Variants in ANK1 observed in about 807,000 individuals in gnomAD.
ANK1 encodes the protein ankyrin 1, also known as ankyrin-1.
ANK1 carries 51 observed loss-of-function variants against 210.4 expected under a neutral mutation model. The ratio of observed to expected loss-of-function variants is 0.24; its 90% CI spans 0.19 to 0.31. The LOEUF (loss-of-function observed/expected upper bound fraction) is 0.31. Among genes scored for constraint, ANK1 ranks in the 10% least tolerant of loss-of-function variants. The probability of loss-of-function intolerance (pLI) is 1.00; values close to 1 mark genes in which losing one functional copy is unlikely to be tolerated. For missense variants in ANK1, 2,051 were observed against 2,504.4 expected, an observed-to-expected ratio of 0.82 and a Z score of 3.86; for synonymous variants, 967 against 1,025.9, an observed-to-expected ratio of 0.94 and a Z score of 1.10.
chr8:41,829,766 C>G (rs1425493814), intron 1 of ANK1: 2 of 152,152 alleles, frequency 1.3e-5, no homozygotes, highest in East Asian at 3.9e-4. Flanking sequence ...GAAACCCCGT[C>G]TCTACTAAAA....
chr8:41,814,735 T>A (rs970841286), intron 1 of ANK1, among the ~76,000 whole-genome samples: 1 of 151,572 alleles, frequency 6.6e-6, no homozygotes, highest in East Asian at 1.9e-4. Context: ...TATTTTTTTT[T>A]ATTATTCATT....
At chr8:41,714,304 CT>C in intron 15 of ANK1, 50 bp from the exon 16 acceptor site, 1 of 1,424,372 alleles carries the variant, frequency 7.0e-7, no homozygotes, top group Non-Finnish European at 9.6e-7. Context: ...CACGGACTTT[CT>C]CCCAGGACTC....
chr8:41,659,810 TC>T (rs1390606159), intron 42 of ANK1, among the ~76,000 whole-genome samples: 1 of 150,998 alleles, frequency 6.6e-6, no homozygotes, highest in Admixed American at 6.6e-5. Flanking sequence ...GCTAGTGTGG[TC>T]CGGTCCTTAA....
chr8:41,845,547 G>A (rs757920563), intron 1 of ANK1, among the ~76,000 whole-genome samples: 27 of 151,990 alleles, frequency 1.8e-4, no homozygotes, highest in Non-Finnish European at 2.8e-4. Context: ...GGTGTGGTGC[G>A]TGCCTTTGGG....
At chr8:41,744,813 G>T (rs569211367) in intron 2 of ANK1, among the ~76,000 whole-genome samples, 1 of 152,298 alleles carries the variant, frequency 6.6e-6, no homozygotes, top group East Asian at 1.9e-4. Flanking sequence ...GGGATTACAG[G>T]CGTGAGCCTC....
At chr8:41,854,404 G>A (rs537237250) in intron 1 of ANK1, among the ~76,000 whole-genome samples, 13 of 152,210 alleles carry the variant, frequency 8.5e-5, no homozygotes, top group Non-Finnish European at 1.2e-4. Flanking sequence ...TAATTCCAGC[G>A]GAACCCTCTA....
At chr8:41,688,400 G>A in intron 34 of ANK1, 111 bp downstream of exon 34, 3 of 1,453,624 alleles carry the variant, frequency 2.1e-6, no homozygotes, top group Non-Finnish European at 2.9e-6. Context: ...TTTTGGAACT[G>A]GCTGAGCGAG....
intron 24 of ANK1, among the ~76,000 whole-genome samples, 164 bp from the exon 25 acceptor site, chr8:41,696,937 AG>A (rs1821203047): frequency 1.3e-5 from 2 of 152,086 alleles, no homozygotes; most frequent in African/African-American, 2.4e-5. Flanking sequence ...GGCCGTCCTG[AG>A]GTCTAAAAGG....
intron 42 of ANK1, among the ~76,000 whole-genome samples, chr8:41,658,593 A>G (rs1007878740): frequency 2.0e-5 from 3 of 152,140 alleles, no homozygotes; most frequent in African/African-American, 7.2e-5. Flanking sequence ...TCTGTTCTAT[A>G]AATTAGTCGC....
intron 1 of ANK1, among the ~76,000 whole-genome samples, chr8:41,781,512 C>A (rs544177438): frequency 1.3e-5 from 2 of 152,048 alleles, no homozygotes; most frequent in South Asian, 4.2e-4. Context: ...TTTTCACCAC[C>A]CTGCCCTCCC....
At chr8:41,878,520 G>T (rs1052447646) in intron 1 of ANK1, among the ~76,000 whole-genome samples, 1 of 152,190 alleles carries the variant, frequency 6.6e-6, no homozygotes, top group Non-Finnish European at 1.5e-5. Flanking sequence ...AGATCAAATC[G>T]CACTCAAGGT....
intron 33 of ANK1, among the ~76,000 whole-genome samples, chr8:41,689,177 C>T (rs1027308835): frequency 1.1e-4 from 16 of 151,396 alleles, no homozygotes; most frequent in Non-Finnish European, 2.1e-4. Flanking sequence ...GAGTGCAGTG[C>T]GATGGCACGA....
intron 1 of ANK1, among the ~76,000 whole-genome samples, chr8:41,790,537 A>G (rs1847452706): frequency 6.6e-6 from 1 of 151,824 alleles, no homozygotes; most frequent in Non-Finnish European, 1.5e-5. Context: ...TAACCACTGC[A>G]CCAACACCTC....
chr8:41,877,391 T>G (rs563981164), intron 1 of ANK1, among the ~76,000 whole-genome samples: 4 of 152,256 alleles, frequency 2.6e-5, no homozygotes, highest in Non-Finnish European at 5.9e-5. Flanking sequence ...CCTTTCCAGC[T>G]GAGACCCTGG....
intron 3 of ANK1, among the ~76,000 whole-genome samples, chr8:41,732,203 T>C (rs1182222366): frequency 1.3e-5 from 2 of 152,170 alleles, no homozygotes; most frequent in South Asian, 2.1e-4. Context: ...GTTCTCTGCT[T>C]GAGAGGCGGC....
chr8:41,708,221 T>A (rs1825199851), intron 17 of ANK1, among the ~76,000 whole-genome samples: 1 of 152,250 alleles, frequency 6.6e-6, no homozygotes, highest in Non-Finnish European at 1.5e-5. Flanking sequence ...AGTCTTTTTT[T>A]TTGGGTCACA....
chr8:41,876,217 C>T (rs1186325436), intron 1 of ANK1, among the ~76,000 whole-genome samples: 1 of 152,178 alleles, frequency 6.6e-6, no homozygotes, highest in Non-Finnish European at 1.5e-5. Flanking sequence ...CTCACCAGCA[C>T]GTGGGGCGCT....
chr8:41,694,911 C>T lies in ANK1; in HGVS notation c.3116-108G>A. The T allele has an allele frequency of 8.0e-7, 1 of 1,246,110 alleles. No homozygotes were observed. The highest frequency in any genetic ancestry group is 1.2e-6 in the Non-Finnish European group (1 of 868,890). The allele number at this position is 1,246,110 out of a possible 1,614,324, so 77.2% of individuals were successfully genotyped here. On this transcript the variant is annotated intron_variant, in intron 27 of 42. Transcript: ENST00000289734. This position sits in a 1 kb window ranked among gnomAD's most constrained non-coding sequence, Gnocchi z 5.7. ...CCCAAGACCCAGTGCACACACCCTC[C>T]CCAGGTGCCGGGCGGCATAGTGGCC...
At chr8:41,850,723 C>T (rs928945949) in intron 1 of ANK1, among the ~76,000 whole-genome samples, 8 of 152,256 alleles carry the variant, frequency 5.3e-5, no homozygotes, top group Non-Finnish European at 1.2e-4. Flanking sequence ...CTCAAGCCAT[C>T]CTCCTGCCTT....
Sources: allele counts gnomAD v4.1 joint callset (sites outside exome capture counted in the v4.1 genomes callset), GRCh38; gene constraint gnomAD v4.1.1; non-coding constraint Gnocchi (gnomAD v3.1); transcripts MANE v1.5; gene names NCBI Gene and HGNC (gene_info 2026-07-23, HGNC 2026-07-21).